Variants in PCDHGA5 observed in about 807,000 individuals in gnomAD.
The protein encoded by PCDHGA5 is protocadherin gamma subfamily A, 5.
In PCDHGA5, 36 loss-of-function variants were observed where a neutral mutation model predicts 56.7. That is an observed-to-expected ratio of 0.64 (90% CI 0.49 to 0.84). The LOEUF is 0.84. Among genes scored for constraint, PCDHGA5 ranks in the 40% least tolerant of loss-of-function variants. The pLI is 0.00. For synonymous variants in PCDHGA5, 563 were observed against 520.2 expected, an observed-to-expected ratio of 1.08 and a Z score of -1.12; for missense variants, 1,305 against 1,201.5, an observed-to-expected ratio of 1.09 and a Z score of -1.27.
chr5:141,365,561 G>A lies in PCDHGA5; in HGVS notation c.1231G>A (p.Asp411Asn). Residue 411 changes from aspartate (D) to asparagine (N), a missense_variant, in exon 1 of 4, where the codon GAC (aspartate) becomes AAC (asparagine). Physicochemically the swap from Asp to Asn is conservative, Grantham distance 23 (BLOSUM62 1). Coordinates refer to ENST00000518069, the MANE Select transcript of PCDHGA5 (RefSeq NM_018918.3). ...YYHLLTTRDL[D>N]REETSDYNIT... Reference sequence around the variant, plus strand: ...TCACCTATTAACAACTAGGGACCTGGACAGAGAAGAGACTTCAGATTATAA... The same window carrying A: ...TCACCTATTAACAACTAGGGACCTGAACAGAGAAGAGACTTCAGATTATAA... 2 of 1,613,682 alleles carry A rather than the reference G, an allele frequency of 1.2e-6. No homozygotes were observed. The highest frequency in any genetic ancestry group is 1.7e-6 in the Non-Finnish European group (2 of 1,179,886).
intron 1 of PCDHGA5, among the ~76,000 whole-genome samples, chr5:141,475,380 T>A (rs2099362720): frequency 6.6e-6 from 1 of 152,244 alleles, no homozygotes; most frequent in South Asian, 2.1e-4. Flanking sequence ...TACTTTTAAA[T>A]TTTATAAGCC....
At chr5:141,395,500 TAAG>T (rs1227202502) in intron 1 of PCDHGA5, 3 of 471,360 alleles carry the variant, frequency 6.4e-6, no homozygotes, top group Non-Finnish European at 1.1e-5. Flanking sequence ...CTCATTCACT[TAAG>T]AAGTAGCTAC....
At chr5:141,426,442 G>A (rs1205822455) in intron 1 of PCDHGA5, 9 of 306,752 alleles carry the variant, frequency 2.9e-5, no homozygotes, top group African/African-American at 4.3e-5. Context: ...CCTTGCGGAG[G>A]ACATGCGGCT....
chr5:141,383,168 T>C, intron 1 of PCDHGA5: 1 of 1,614,096 alleles, frequency 6.2e-7, no homozygotes. Flanking sequence ...GCGGGCAGGA[T>C]AGACCGGGAA....
In PCDHGA5 at chr5:141,492,000, A is replaced by G; in HGVS notation, c.2422-2807A>G. On this transcript the variant is annotated intron_variant, in intron 1 of 3. Transcript: ENST00000518069. The surrounding 1 kb of genome is among the most constrained non-coding windows in gnomAD (Gnocchi z 6.9). Reference sequence around the variant, plus strand: ...TCGAGCTTCCGGTGAATTTCGGGCGATTTCCGCGGGTGTCGGGGGTCCCGG... The same window carrying G: ...TCGAGCTTCCGGTGAATTTCGGGCGGTTTCCGCGGGTGTCGGGGGTCCCGG... 1 of 659,856 alleles carries G rather than the reference A, an allele frequency of 1.5e-6. No homozygotes were observed. The highest frequency in any genetic ancestry group is 3.1e-5 in the South Asian group (1 of 32,438). 40.9% of individuals were successfully genotyped at this position (659,856 alleles called of 1,614,324 possible).
In PCDHGA5 at chr5:141,506,418, G is replaced by A. The variant is rs2099853241; in HGVS notation, c.2569+937G>A. Among the ~76,000 whole-genome samples, 3 of 141,160 alleles carry A rather than the reference G, an allele frequency of 2.1e-5. No homozygotes were observed. The South Asian group carries it at 6.6e-4, about 31-fold the overall frequency. 92.6% of individuals were successfully genotyped at this position (141,160 alleles called of 152,430 possible). The stretch of plus-strand genomic sequence containing the variant: ...CAGAAAATCGCACCACTGCACTCCA[G>A]CCTGGGCAACAGTCTCGCTCTGTCT... On this transcript the variant is annotated intron_variant, in intron 3 of 3. Coordinates refer to ENST00000518069, the MANE Select transcript of PCDHGA5 (RefSeq NM_018918.3).
chr5:141,486,408 C>T lies in PCDHGA5; in HGVS notation c.2422-8399C>T. On this transcript the variant is annotated intron_variant, in intron 1 of 3. Coordinates refer to ENST00000518069, the MANE Select transcript of PCDHGA5 (RefSeq NM_018918.3). This position sits in a 1 kb window ranked among gnomAD's most constrained non-coding sequence, Gnocchi z 5.0. ...CAGTTCTCCCTGGTGACTGCTGGAC[C>T]CTTGGATCGAGAGGCCAAATCTAGC... is the stretch of plus-strand genomic sequence containing the variant. The T allele has an allele frequency of 1.2e-6, 2 of 1,614,156 alleles. No individual in the cohort carries two copies. Among genetic ancestry groups the T allele is most frequent in the South Asian group, 2.2e-5 (2 of 91,084 alleles).
At chr5:141,374,195 G>A in intron 1 of PCDHGA5, 1 of 1,613,870 alleles carries the variant, frequency 6.2e-7, no homozygotes, top group Non-Finnish European at 8.5e-7. Context: ...TATTCCCGAG[G>A]AGCTGGAGAA....
chr5:141,431,003 G>T lies in PCDHGA5; in HGVS notation c.2422-63804G>T, dbSNP rs2097334899. ...GCTTTTCGCCCTGAATCCGCGCAGC[G>T]GCAGCTTGGTCACGGCGGGCAGGAT... On this transcript the variant is annotated intron_variant, in intron 1 of 3. Coordinates refer to ENST00000518069, the MANE Select transcript of PCDHGA5 (RefSeq NM_018918.3). This position sits in a 1 kb window ranked among gnomAD's most constrained non-coding sequence, Gnocchi z 4.8. 1.9e-6 allele frequency: 3 copies of T among 1,613,960 alleles called. No homozygotes were observed. The highest frequency in any genetic ancestry group is 2.5e-6 in the Non-Finnish European group (3 of 1,179,982).
At position 141,408,408 on chromosome 5, in the gene PCDHGA5, G is replaced by A. The variant is rs376957467; in HGVS notation, c.2421+41657G>A. On this transcript the variant is annotated intron_variant, in intron 1 of 3. Coordinates refer to ENST00000518069, the MANE Select transcript of PCDHGA5 (RefSeq NM_018918.3). The stretch of plus-strand genomic sequence containing the variant: ...GTGTCGGCTCGCAAGCTGCGAGTGA[G>A]CGCGGAGAAGCTGCACTTCAGCGTA... 5 of 1,614,080 alleles carry A rather than the reference G, an allele frequency of 3.1e-6. No homozygotes were observed. The Admixed American group carries it at 5.0e-5, about 16-fold the overall frequency.
At chr5:141,449,106 T>A (rs2154562506) in intron 1 of PCDHGA5, among the ~76,000 whole-genome samples, 2 of 152,314 alleles carry the variant, frequency 1.3e-5, no homozygotes, top group East Asian at 3.9e-4. Context: ...ATGCAGTATA[T>A]CTTTGGGATG....
intron 1 of PCDHGA5, among the ~76,000 whole-genome samples, chr5:141,480,513 C>T (rs1376669385): frequency 7.9e-6 from 1 of 127,246 alleles, no homozygotes. Context: ...ATGAGAACAA[C>T]CAAAAATGAC....
At chr5:141,384,379 G>A (rs1780024386) in intron 1 of PCDHGA5, 2 of 1,613,934 alleles carry the variant, frequency 1.2e-6, no homozygotes, top group Non-Finnish European at 8.5e-7. Context: ...CTTGGCCGAA[G>A]ACACCATCCA....
chr5:141,376,018 C>G (rs761668305), intron 1 of PCDHGA5: 2 of 1,613,312 alleles, frequency 1.2e-6, no homozygotes, highest in Admixed American at 1.7e-5. Context: ...TAGTGGTGGC[C>G]GTCCAGGACC....
At chr5:141,457,116 C>T (rs933634563) in intron 1 of PCDHGA5, among the ~76,000 whole-genome samples, 5 of 152,176 alleles carry the variant, frequency 3.3e-5, no homozygotes, top group Non-Finnish European at 7.3e-5. Flanking sequence ...AATACGACAG[C>T]AATGGAAACT....
chr5:141,412,992 G>A (rs1367027301), intron 1 of PCDHGA5: 1 of 568,350 alleles, frequency 1.8e-6, no homozygotes, highest in Non-Finnish European at 3.0e-6. Flanking sequence ...AGCTCAATCC[G>A]GATTCTCAGG....
At chr5:141,386,678 G>T (rs1376452903) in intron 1 of PCDHGA5, among the ~76,000 whole-genome samples, 2 of 152,012 alleles carry the variant, frequency 1.3e-5, no homozygotes, top group African/African-American at 4.8e-5. Context: ...CATTTCAGAT[G>T]TACAATCACT....
chr5:141,400,106 T>A (rs771937544), intron 1 of PCDHGA5: 1 of 1,613,950 alleles, frequency 6.2e-7, no homozygotes, highest in African/African-American at 1.3e-5. Context: ...CACTTGGTCT[T>A]TGCTGACAGC....
intron 1 of PCDHGA5, among the ~76,000 whole-genome samples, chr5:141,455,580 T>C (rs572453788): frequency 6.6e-6 from 1 of 152,142 alleles, no homozygotes; most frequent in East Asian, 1.9e-4. Flanking sequence ...ACCCCAGCCT[T>C]TTAATATGCA....
Sources: allele counts gnomAD v4.1 joint callset (sites outside exome capture counted in the v4.1 genomes callset), GRCh38; gene constraint gnomAD v4.1.1; non-coding constraint Gnocchi (gnomAD v3.1); transcripts MANE v1.5; gene names NCBI Gene and HGNC (gene_info 2026-07-23, HGNC 2026-07-21).